Variants in DGKQ observed in about 807,000 individuals in gnomAD.
DGKQ encodes DAG kinase theta.
DGKQ carries 97 observed loss-of-function variants against 104.2 expected under a neutral mutation model. The ratio of observed to expected loss-of-function variants is 0.93; its 90% confidence interval spans 0.79 to 1.10. The LOEUF (loss-of-function observed/expected upper bound fraction) is 1.10, where lower values mean the gene tolerates loss of function less well. Among genes scored for constraint, DGKQ ranks in the 50% least tolerant of loss-of-function variants. The probability of loss-of-function intolerance (pLI) is 0.00; values close to 1 mark genes in which losing one functional copy is unlikely to be tolerated. For missense variants in DGKQ, 1,465 were observed against 1,352.1 expected (o/e 1.08, Z -1.31); for synonymous variants, 736 against 595.2 (o/e 1.24, Z -3.44).
chr4:968,588 G>GC, intron 3 of DGKQ, 24 bp from the exon 4 acceptor site: 3 of 1,579,332 alleles, frequency 1.9e-6, no homozygotes, highest in East Asian at 2.3e-5. Flanking sequence ...AGGGTTAGAG[G>GC]TGTCTGCCGC....
In DGKQ at chr4:971,539, G is replaced by A. The variant is rs1171672039; in HGVS notation, c.272-467C>T. 2.0e-5 allele frequency among the ~76,000 whole-genome samples: 3 copies of A among 152,206 alleles called. No individual in the cohort carries two copies. Among genetic ancestry groups the A allele is most frequent in the African/African-American group, 7.2e-5 (3 of 41,454 alleles). On this transcript the variant is annotated intron_variant, in intron 1 of 22. Coordinates refer to ENST00000273814, the MANE Select transcript of DGKQ (RefSeq NM_001347.4). The surrounding 1 kb of genome is among the most constrained non-coding windows in gnomAD (Gnocchi z 4.0). ...TGCTGTGCACCGTGCCTGAGACCGA[G>A]AGCCACCCAAGGCAGGTGAGGGCTC...
intron 1 of DGKQ, among the ~76,000 whole-genome samples, chr4:972,145 G>A (rs180968641): frequency 6.6e-6 from 1 of 152,122 alleles, no homozygotes; most frequent in African/African-American, 2.4e-5. Flanking sequence ...CCTCTTCCAC[G>A]GGTGCTGCCC....
chr4:963,259 A>C lies in DGKQ; in HGVS notation c.1766T>G (p.Leu589Arg), dbSNP rs1212815473. The change falls in exon 16 of 23, where the codon CTC becomes CGC. Residue 589 changes from leucine to arginine, a missense_variant. Coordinates refer to ENST00000273814, the MANE Select transcript of DGKQ (RefSeq NM_001347.4). ...HAKLPPDSCP[L>R]LVFVNPKSGG... is the part of the protein sequence containing the mutation. ...ACTCTTGGGGTTCACGAACACAAGG[A>C]GGGGACAGCTGTCTGGGGGCAGCTT... 12 of 1,609,442 alleles carry C rather than the reference A, an allele frequency of 7.5e-6. No homozygotes were observed. The highest frequency in any genetic ancestry group is 1.0e-5 in the Non-Finnish European group (12 of 1,177,326).
In DGKQ at chr4:961,120, G is replaced by A; in HGVS notation, c.2656C>T (p.Pro886Ser). 2 of 1,610,670 alleles carry A rather than the reference G, an allele frequency of 1.2e-6. No individual in the cohort carries two copies. Among genetic ancestry groups the A allele is most frequent in the Non-Finnish European group, 1.7e-6 (2 of 1,179,120 alleles). Reference protein sequence around the residue: ...YFRVTLLKATPVQVDGEPWVQ... With the variant: ...YFRVTLLKATSVQVDGEPWVQ... ...CAGGGCTCCCCGTCCACCTGCACCG[G>A]GGTGGCCTTGAGGAGCGTGACTCGG... The change falls in exon 22 of 23, where the codon CCG becomes TCG. Residue 886 changes from proline (P) to serine (S), a missense_variant. Pro to Ser is a moderately conservative substitution (Grantham distance 74). Transcript: ENST00000273814.
In DGKQ at chr4:961,671, G is replaced by A. The variant is rs765632440; in HGVS notation, c.2462+17C>T. 2.5e-6 allele frequency: 4 copies of A among 1,612,082 alleles called. No homozygotes were observed. Among genetic ancestry groups the A allele is most frequent in the Non-Finnish European group, 3.4e-6 (4 of 1,179,826 alleles). ...CCCCGCCGGGCAGAGCCTCTGGGGAGCCCCGCCCGCGAGCACCTGGGGATG... is the reference window on the plus strand; with the variant it reads ...CCCCGCCGGGCAGAGCCTCTGGGGAACCCCGCCCGCGAGCACCTGGGGATG... On this transcript the variant is annotated intron_variant, in intron 20 of 22. Transcript: ENST00000273814.
intron 5 of DGKQ, 82 bp from the exon 6 acceptor site, chr4:968,109 A>C: frequency 1.0e-6 from 1 of 984,498 alleles, no homozygotes; most frequent in Non-Finnish European, 1.3e-6. Flanking sequence ...GAAAGACCCC[A>C]CACGACGCAG....
At chr4:961,956 G>A (rs1711920530) in intron 19 of DGKQ, 26 bp downstream of exon 19, 2 of 1,611,724 alleles carry the variant, frequency 1.2e-6, no homozygotes, top group Admixed American at 1.7e-5. Context: ...GCCGTTGACA[G>A]GTGGTAGCCC....
At position 966,421 on chromosome 4, in the gene DGKQ, T is replaced by G. The variant is rs771556380; in HGVS notation, c.1428+45A>C. On this transcript the variant is annotated intron_variant, in intron 12 of 22. Transcript: ENST00000273814. Reference sequence around the variant, plus strand: ...CACCCTGTGGGGCAGAGGCTGTGGCTGAGGGCTGCTGGTTCCCTGGGGGCC... The same window carrying G: ...CACCCTGTGGGGCAGAGGCTGTGGCGGAGGGCTGCTGGTTCCCTGGGGGCC... The G allele has an allele frequency of 5.4e-5, 87 of 1,600,318 alleles. 3 individuals carry two copies. In the Admixed American group the frequency reaches 1.5e-3, roughly 27 times the overall value.
Position 963,302 on chromosome 4 carries a change from G to T in DGKQ, c.1735-12C>A. The T allele has an allele frequency of 6.3e-7, 1 of 1,596,430 alleles. No homozygotes were observed. On this transcript the variant is annotated splice_polypyrimidine_tract_variant and intron_variant, in intron 15 of 22. Transcript: ENST00000273814. ...GGCAGCTTCGCGTGCTGACAGACAG[G>T]GGGCTGGGTTAGGATGGGGACCCAA... is the stretch of plus-strand genomic sequence containing the variant.
In DGKQ at chr4:960,459, G is replaced by C; in HGVS notation, c.*161C>G. On this transcript the variant is annotated 3_prime_UTR_variant, in exon 23 of 23. Transcript: ENST00000273814. ...CATGTGTCACCAATGGGATGAGGGC[G>C]GGTCCCGCTCCGTCACTGGGAAGAT... 1.6e-6 allele frequency: 1 copy of C among 638,996 alleles called. No homozygotes were observed. The highest frequency in any genetic ancestry group is 2.8e-6 in the Non-Finnish European group (1 of 359,816). 39.6% of individuals were successfully genotyped at this position (638,996 alleles called of 1,614,324 possible).
At chr4:960,956 G>A in intron 22 of DGKQ, 93 bp downstream of exon 22, 4 of 1,553,150 alleles carry the variant, frequency 2.6e-6, no homozygotes, top group South Asian at 1.2e-5. Flanking sequence ...GCCGCAGCCG[G>A]CCATGCCAGC....
In DGKQ at chr4:960,510, C is replaced by T. The variant is rs3733348; in HGVS notation, c.*110G>A. 640 of 987,292 alleles carry T rather than the reference C, an allele frequency of 6.5e-4. 5 individuals carry two copies. The East Asian group carries it at 0.014, about 22-fold the overall frequency. 61.2% of individuals were successfully genotyped at this position (987,292 alleles called of 1,614,324 possible). ...GCTGTGGTCAGGGCTGTAGCCAGGTCCGACCACAGGGCCGGCCACTGTGTG... is the reference window on the plus strand; with the variant it reads ...GCTGTGGTCAGGGCTGTAGCCAGGTTCGACCACAGGGCCGGCCACTGTGTG... On this transcript the variant is annotated 3_prime_UTR_variant, in exon 23 of 23. Transcript: ENST00000273814.
chr4:969,491 G>A (rs765623203), intron 2 of DGKQ, among the ~76,000 whole-genome samples: 10 of 152,192 alleles, frequency 6.6e-5, no homozygotes, highest in African/African-American at 9.6e-5. Context: ...CCTGACTCTC[G>A]CCCTTGTCCC....
rs1358148460 is a variant in DGKQ at position 965,956 on chromosome 4, G to A, written c.1551C>T (p.Ser517=). Residue 517 remains serine (S), a synonymous_variant, in exon 13 of 23, where the codon AGC becomes AGT. Transcript: ENST00000273814. ...TGGTAGCCCCGGCCTCATGCAGCAG[G>A]CTGCTGTACTCCTCGGGAGACAGGC... is the stretch of plus-strand genomic sequence containing the variant. ...PPGLSPEEYS[S]LLHEAGATKA... is the part of the protein sequence containing the mutation. 1.2e-6 allele frequency: 2 copies of A among 1,605,188 alleles called. No individual in the cohort carries two copies. The highest frequency in any genetic ancestry group is 1.3e-5 in the African/African-American group (1 of 74,962).
In DGKQ at chr4:965,288, G is replaced by A. The variant is rs1712217133; in HGVS notation, c.1622C>T (p.Ala541Val). The change falls in exon 15 of 23, where the codon GCG (alanine) becomes GTG (valine). Residue 541 changes from alanine (A) to valine (V), a missense_variant. Transcript: ENST00000273814. ...SVSHIYSSQG[A>V]VVLDVACFAE... is the part of the protein sequence containing the mutation. ...AAAGCAGGCAACGTCCAACACTACC[G>A]CGCCTGCGGCAGGAGCCCAGGACTC... The A allele has an allele frequency of 1.1e-5, 18 of 1,612,144 alleles. No individual in the cohort carries two copies. Among genetic ancestry groups the A allele is most frequent in the East Asian group, 2.2e-5 (1 of 44,860 alleles).
At chr4:966,397 AC>A (rs1257852672) in intron 12 of DGKQ, 68 bp downstream of exon 12, 3 of 1,546,856 alleles carry the variant, frequency 1.9e-6, no homozygotes, top group East Asian at 4.5e-5. Flanking sequence ...GGGCACACCC[AC>A]CCTGTGGGGC....
chr4:969,084 G>A (rs1222540875), intron 2 of DGKQ, among the ~76,000 whole-genome samples, 174 bp from the exon 3 acceptor site: 2 of 152,150 alleles, frequency 1.3e-5, no homozygotes, highest in Admixed American at 6.5e-5. Flanking sequence ...CAGGTCCTGG[G>A]GACAGCCTGG....
At chr4:966,849 C>G in intron 10 of DGKQ, 47 bp from the exon 11 acceptor site, 1 of 1,585,744 alleles carries the variant, frequency 6.3e-7, no homozygotes, top group Admixed American at 1.8e-5. Context: ...CCCCCACCAC[C>G]TCAGGACACC....
Position 959,926 on chromosome 4 carries a change from A to G in DGKQ, c.*694T>C, listed in dbSNP as rs1030131063. The G allele has an allele frequency of 6.6e-6, 1 of 152,190 alleles. No individual in the cohort carries two copies. The highest frequency in any genetic ancestry group is 2.4e-5 in the African/African-American group (1 of 41,426). The allele number at this position is 152,190 out of a possible 1,614,324, so 9.4% of individuals were successfully genotyped here. On this transcript the variant is annotated 3_prime_UTR_variant, in exon 23 of 23. Transcript: ENST00000273814. ...CTCCTCCCCAAGCAGAGGCACTAGG[A>G]AAGGGCCACCAGGTCCAGCTGGGCA...
Sources: allele counts gnomAD v4.1 joint callset (sites outside exome capture counted in the v4.1 genomes callset), GRCh38; gene constraint gnomAD v4.1.1; non-coding constraint Gnocchi (gnomAD v3.1); transcripts MANE v1.5; gene names NCBI Gene and HGNC (gene_info 2026-07-23, HGNC 2026-07-21).